Variants in CERK observed in about 807,000 individuals in gnomAD.
The protein encoded by CERK is acylsphingosine kinase.
A neutral mutation model predicts 63.4 loss-of-function variants in CERK; 39 were observed. That is an observed-to-expected ratio of 0.61 (90% CI 0.48 to 0.80). The LOEUF is 0.80. Among genes scored for constraint, CERK ranks in the 30% least tolerant of loss-of-function variants. The pLI, the probability that CERK is intolerant of heterozygous loss-of-function variation, is 0.00. For missense variants in CERK, 670 were observed against 714.1 expected (o/e 0.94, Z 0.70); for synonymous variants, 302 against 280.0 (o/e 1.08, Z -0.78).
chr22:46,705,488 G>A (rs993893228), intron 6 of CERK, among the ~76,000 whole-genome samples: 8 of 151,886 alleles, frequency 5.3e-5, no homozygotes, highest in East Asian at 1.9e-4. Flanking sequence ...CCTGGCCAAC[G>A]TAGCAAAACC....
At chr22:46,724,402 G>A (rs2082907515) in intron 1 of CERK, among the ~76,000 whole-genome samples, 2 of 152,212 alleles carry the variant, frequency 1.3e-5, no homozygotes, top group African/African-American at 4.8e-5. Flanking sequence ...TGGGGCTGGG[G>A]CGCTAACCCC....
intron 3 of CERK, among the ~76,000 whole-genome samples, chr22:46,717,579 C>T (rs1569326920): frequency 6.6e-6 from 1 of 152,382 alleles, no homozygotes; most frequent in East Asian, 1.9e-4. Flanking sequence ...CAAAAGGTTT[C>T]ATACTGTATG....
chr22:46,690,794 A>G (rs1269401916), intron 11 of CERK, among the ~76,000 whole-genome samples: 1 of 152,174 alleles, frequency 6.6e-6, no homozygotes, highest in Non-Finnish European at 1.5e-5. Flanking sequence ...TGGGAGCCTA[A>G]AGAGTCTATT....
chr22:46,707,716 GT>G, intron 6 of CERK, 126 bp downstream of exon 6: 1 of 1,098,046 alleles, frequency 9.1e-7, no homozygotes, highest in African/African-American at 1.6e-5. Flanking sequence ...TGGCCCTAAT[GT>G]TAGGAAATCT....
Position 46,700,866 on chromosome 22 carries a change from C to T in CERK, c.790+770G>A, listed in dbSNP as rs185015631. Among the ~76,000 whole-genome samples the T allele has an allele frequency of 2.0e-5, 3 of 152,150 alleles. No homozygotes were observed. In the East Asian group the frequency reaches 5.8e-4, roughly 29 times the overall value. On this transcript the variant is annotated intron_variant, in intron 7 of 12. Transcript: ENST00000216264. ...ATCCCTACTAAAAGTACAAAATGAA[C>T]TGGACGTGGTGGCGCGAGCCTGTAA...
chr22:46,698,757 T>C (rs926222784), intron 8 of CERK, among the ~76,000 whole-genome samples: 83 of 149,778 alleles, frequency 5.5e-4, no homozygotes, highest in African/African-American at 1.8e-3. Flanking sequence ...AAAAATTAGC[T>C]GGTCACGGTG....
Position 46,691,641 on chromosome 22 carries a change from G to A in CERK, c.1263C>T (p.Ile421=). Residue 421 remains isoleucine, a synonymous_variant, in exon 11 of 13, where the codon ATC becomes ATT. Transcript: ENST00000216264. ...TGAACCTGGAGCATTTCCGGATGAG[G>A]ATGAGGTCAGAAGACCCGTCTCCCA... ...AHLGDGSSDL[I]LIRKCSRFNF... The A allele has an allele frequency of 6.2e-7, 1 of 1,614,038 alleles. No individual in the cohort carries two copies. Among genetic ancestry groups the A allele is most frequent in the African/African-American group, 1.3e-5 (1 of 75,032 alleles).
At chr22:46,701,468 G>C (rs1388792519) in intron 7 of CERK, among the ~76,000 whole-genome samples, 168 bp downstream of exon 7, 1 of 152,276 alleles carries the variant, frequency 6.6e-6, no homozygotes, top group Non-Finnish European at 1.5e-5. Context: ...TCGGAGCTGC[G>C]TGCTGAGTGG....
intron 5 of CERK, 51 bp from the exon 6 acceptor site, chr22:46,708,039 G>T: frequency 6.5e-7 from 1 of 1,550,284 alleles, no homozygotes; most frequent in Non-Finnish European, 8.7e-7. Context: ...GGCCCTCTGA[G>T]CGCAGCAGGC....
chr22:46,707,302 T>C lies in CERK; in HGVS notation c.715+541A>G, dbSNP rs149335179. ...CTTGACTTAGCTTAACACTGTGATT[T>C]TTCAAAGAACAAGGTGGTTCCTAGA... On this transcript the variant is annotated intron_variant, in intron 6 of 12. Coordinates refer to ENST00000216264, the MANE Select transcript of CERK (RefSeq NM_022766.6). Among the ~76,000 whole-genome samples the C allele has an allele frequency of 1.3e-4, 20 of 152,290 alleles. No individual in the cohort carries two copies. The East Asian group carries it at 3.5e-3, about 26-fold the overall frequency.
chr22:46,708,678 A>AC (rs1419953658), intron 5 of CERK, among the ~76,000 whole-genome samples: 9 of 152,292 alleles, frequency 5.9e-5, no homozygotes, highest in African/African-American at 1.4e-4. Context: ...GCCGGGGGTA[A>AC]CCCACAGGGA....
chr22:46,732,108 C>A (rs192244377), intron 1 of CERK, among the ~76,000 whole-genome samples: 6 of 152,266 alleles, frequency 3.9e-5, no homozygotes, highest in Non-Finnish European at 7.4e-5. Flanking sequence ...GGGATCCGGA[C>A]AGCCGAATCG....
chr22:46,712,197 G>T lies in CERK; in HGVS notation c.476C>A (p.Thr159Asn), dbSNP rs752405666. The part of the protein sequence containing the change: ...IYERKVAPLF[T>N]LASITTDIIV... Reference sequence around the variant, plus strand: ...GATGTCAGTGGTGATGGAGGCTAAGGTGAACAGTGGTGCCACTTTTCTTTC... The same window carrying T: ...GATGTCAGTGGTGATGGAGGCTAAGTTGAACAGTGGTGCCACTTTTCTTTC... The change falls in exon 4 of 13, where the codon ACC becomes AAC. Residue 159 changes from threonine to asparagine, a missense_variant. Thr to Asn is a moderately conservative substitution (Grantham distance 65). Coordinates refer to ENST00000216264, the MANE Select transcript of CERK (RefSeq NM_022766.6). 4.3e-6 allele frequency: 7 copies of T among 1,614,094 alleles called. No individual in the cohort carries two copies. The South Asian group carries it at 7.7e-5, about 18-fold the overall frequency.
intron 1 of CERK, among the ~76,000 whole-genome samples, chr22:46,721,288 T>C (rs1346297840): frequency 1.3e-5 from 2 of 150,508 alleles, no homozygotes; most frequent in Non-Finnish European, 2.9e-5. Context: ...AAAAAAGATA[T>C]ACATATATAT....
At chr22:46,701,317 C>T (rs1437938192) in intron 7 of CERK, among the ~76,000 whole-genome samples, 2 of 152,386 alleles carry the variant, frequency 1.3e-5, no homozygotes, top group South Asian at 2.1e-4. Flanking sequence ...TTCCGAGCCT[C>T]GGGGCAGCAG....
At chr22:46,696,065 CGTCACACACAACCTTA>C in intron 8 of CERK, among the ~76,000 whole-genome samples, 2 of 152,288 alleles carry the variant, frequency 1.3e-5, no homozygotes, top group South Asian at 4.1e-4. Context: ...CCTGCAGGGC[CGTCACACACAACCTTA>C]CCCCCGACAC....
chr22:46,712,440 G>C, intron 3 of CERK, 147 bp from the exon 4 acceptor site: 1 of 732,686 alleles, frequency 1.4e-6, no homozygotes, highest in Non-Finnish European at 2.2e-6. Context: ...AAAGAACAAT[G>C]ACAAAGAGCT....
At chr22:46,729,622 CA>C (rs1442417334) in intron 1 of CERK, among the ~76,000 whole-genome samples, 1 of 152,084 alleles carries the variant, frequency 6.6e-6, no homozygotes, top group Admixed American at 6.5e-5. Context: ...ACCAAATATC[CA>C]GGAAACAACC....
At chr22:46,708,042 C>T in intron 5 of CERK, 54 bp from the exon 6 acceptor site, 1 of 1,537,164 alleles carries the variant, frequency 6.5e-7, no homozygotes, top group South Asian at 1.2e-5. Context: ...CCTCTGAGCG[C>T]AGCAGGCCTG....
Sources: gnomAD v4.1 joint callset for allele counts (sites outside exome capture counted in the v4.1 genomes callset) on GRCh38, gnomAD v4.1.1 for gene constraint, MANE v1.5 for transcripts, NCBI Gene and HGNC (gene_info 2026-07-23, HGNC 2026-07-21) for gene names.